Variants in WWOX observed in about 807,000 individuals in gnomAD.
WWOX encodes the protein WW domain containing oxidoreductase.
Under a neutral mutation model 46.2 loss-of-function variants are expected in WWOX, and 69 were observed. The observed-to-expected ratio is 1.49, with a 90% CI of 1.23 to 1.82. The LOEUF (loss-of-function observed/expected upper bound fraction) is 1.82, where lower values mean the gene tolerates loss of function less well. Among genes scored for constraint, WWOX ranks in the 40% most tolerant of loss-of-function variants. WWOX has a pLI of 0.00. For missense variants in WWOX, 919 were observed against 542.6 expected, an observed-to-expected ratio of 1.69 and a Z score of -6.89; for synonymous variants, 359 against 202.6, an observed-to-expected ratio of 1.77 and a Z score of -6.56.
chr16:78,162,660 A>T lies in WWOX; in HGVS notation c.410-1523A>T, dbSNP rs1450014932. Among the ~76,000 whole-genome samples the T allele has an allele frequency of 2.0e-5, 3 of 152,156 alleles. No homozygotes were observed. In the East Asian group the frequency reaches 5.8e-4, roughly 29 times the overall value. ...TATGCGTCATTGATTTTGTAACATT[A>T]TCAGCCATTCTGTCTTTAAATATTG... On this transcript the variant is annotated intron_variant, in intron 4 of 8. Coordinates refer to ENST00000566780, the MANE Select transcript of WWOX (RefSeq NM_016373.4).
intron 8 of WWOX, among the ~76,000 whole-genome samples, chr16:79,121,467 G>C (rs982563001): frequency 6.6e-6 from 1 of 152,218 alleles, no homozygotes; most frequent in Non-Finnish European, 1.5e-5. Context: ...GGTTTGCCAT[G>C]ACTTGGGCAT....
chr16:79,191,433 C>T (rs1014689861), intron 8 of WWOX, among the ~76,000 whole-genome samples: 5 of 152,180 alleles, frequency 3.3e-5, no homozygotes, highest in East Asian at 1.9e-4. Context: ...TTAAATCTAA[C>T]ACCTTTATCT....
intron 8 of WWOX, among the ~76,000 whole-genome samples, chr16:78,881,500 A>C (rs964257606): frequency 6.6e-5 from 10 of 152,228 alleles, no homozygotes; most frequent in South Asian, 6.2e-4. Flanking sequence ...AATATTCAAC[A>C]AACAATTTCG....
At chr16:78,681,040 A>G (rs1447164828) in intron 8 of WWOX, among the ~76,000 whole-genome samples, 1 of 152,112 alleles carries the variant, frequency 6.6e-6, no homozygotes, top group Non-Finnish European at 1.5e-5. Flanking sequence ...CCTGAGGTCG[A>G]GAGTTCGAGA....
chr16:78,765,387 T>G (rs2142502000), intron 8 of WWOX, among the ~76,000 whole-genome samples: 1 of 152,254 alleles, frequency 6.6e-6, no homozygotes, highest in Non-Finnish European at 1.5e-5. Context: ...AATTTCCACG[T>G]AAGATTCGGG....
intron 8 of WWOX, chr16:78,898,486 C>G (rs1055422815): frequency 4.6e-5 from 7 of 152,094 alleles, no homozygotes; most frequent in Non-Finnish European, 7.4e-5. Context: ...CTGTTGTACT[C>G]CATTGATCTA....
In WWOX at chr16:78,418,638, C is replaced by T. The variant is rs540013004; in HGVS notation, c.606-6232C>T. 2.0e-4 allele frequency among the ~76,000 whole-genome samples: 30 copies of T among 152,122 alleles called. 1 individual carries two copies. The highest frequency in any genetic ancestry group is 1.4e-3 in the East Asian group (7 of 5,170). On this transcript the variant is annotated intron_variant, in intron 6 of 8. Transcript: ENST00000566780. ...AAGTGGAATTTATCCAAACAATTCACGGTTGGTTTTATATTAAAAAATCAG... is the reference window on the plus strand; with the variant it reads ...AAGTGGAATTTATCCAAACAATTCATGGTTGGTTTTATATTAAAAAATCAG...
At chr16:78,173,262 G>A (rs955436775) in intron 5 of WWOX, among the ~76,000 whole-genome samples, 1 of 152,098 alleles carries the variant, frequency 6.6e-6, no homozygotes, top group Non-Finnish European at 1.5e-5. Flanking sequence ...CTCACTCGGT[G>A]TCCCTGGGCA....
chr16:78,557,350 G>GC (rs1567642613), intron 8 of WWOX, among the ~76,000 whole-genome samples: 2 of 152,088 alleles, frequency 1.3e-5, no homozygotes, highest in East Asian at 1.9e-4. Context: ...TTATTTCTCC[G>GC]CCCCCCGCAC....
At chr16:78,805,062 TA>T (rs1332066129) in intron 8 of WWOX, among the ~76,000 whole-genome samples, 3 of 152,224 alleles carry the variant, frequency 2.0e-5, no homozygotes, top group African/African-American at 4.8e-5. Context: ...ATCTTAAAAA[TA>T]AAAGTACTTT....
intron 8 of WWOX, among the ~76,000 whole-genome samples, chr16:79,172,204 C>T (rs1055419610): frequency 2.6e-5 from 4 of 152,098 alleles, no homozygotes; most frequent in Non-Finnish European, 4.4e-5. Flanking sequence ...AAAATAATGC[C>T]CTTGTTTTAT....
At chr16:78,902,407 C>G (rs1597127805) in intron 8 of WWOX, among the ~76,000 whole-genome samples, 1 of 152,340 alleles carries the variant, frequency 6.6e-6, no homozygotes, top group Non-Finnish European at 1.5e-5. Context: ...GTGACTTTTT[C>G]TCTTGTATCC....
intron 8 of WWOX, among the ~76,000 whole-genome samples, chr16:78,751,332 A>G (rs758073615): frequency 3.3e-5 from 5 of 150,906 alleles, no homozygotes; most frequent in Non-Finnish European, 7.4e-5. Context: ...GTCAAAAGCA[A>G]AGAGTTTTCA....
At chr16:78,482,713 C>G (rs567130069) in intron 8 of WWOX, among the ~76,000 whole-genome samples, 4 of 152,228 alleles carry the variant, frequency 2.6e-5, no homozygotes, top group African/African-American at 9.6e-5. Context: ...TGTTAAAAAG[C>G]TGGTAAGTGG....
intron 5 of WWOX, among the ~76,000 whole-genome samples, chr16:78,377,190 G>A (rs913632013): frequency 6.6e-6 from 1 of 152,220 alleles, no homozygotes; most frequent in African/African-American, 2.4e-5. Flanking sequence ...CAGTAAATTA[G>A]CTGATGTCCA....
chr16:79,211,585 T>TC, intron 8 of WWOX, 23 bp from the exon 9 acceptor site: 1 of 1,614,100 alleles, frequency 6.2e-7, no homozygotes, highest in East Asian at 2.2e-5. Context: ...AATTTTTTTT[T>TC]GTCTTTCTTC....
At chr16:78,597,066 G>A (rs756324135) in intron 8 of WWOX, among the ~76,000 whole-genome samples, 1 of 152,142 alleles carries the variant, frequency 6.6e-6, no homozygotes, top group Non-Finnish European at 1.5e-5. Flanking sequence ...GCGTAGAAGC[G>A]CTGGAGCCAG....
At chr16:78,637,641 G>C (rs933643438) in intron 8 of WWOX, among the ~76,000 whole-genome samples, 4 of 152,172 alleles carry the variant, frequency 2.6e-5, no homozygotes, top group Non-Finnish European at 4.4e-5. Flanking sequence ...AGAAGGAAGG[G>C]CTGGAGACGT....
chr16:78,232,517 G>A (rs749721572), intron 5 of WWOX, among the ~76,000 whole-genome samples: 24 of 152,132 alleles, frequency 1.6e-4, no homozygotes, highest in Non-Finnish European at 3.2e-4. Context: ...TGGTAGATAA[G>A]GATTTTATGA....
Sources: gnomAD v4.1 joint callset for allele counts (sites outside exome capture counted in the v4.1 genomes callset) on GRCh38, gnomAD v4.1.1 for gene constraint, MANE v1.5 for transcripts, NCBI Gene and HGNC (gene_info 2026-07-23, HGNC 2026-07-21) for gene names.